The following CD38 variants were observed in gnomAD, a reference collection of about 807,000 sequenced individuals.
CD38 encodes the protein CD38 molecule.
A neutral mutation model predicts 36.3 loss-of-function variants in CD38; 31 were observed. The ratio of observed to expected loss-of-function variants is 0.85; its 90% CI spans 0.64 to 1.15. CD38 has a LOEUF of 1.15. Ranked by LOEUF, CD38 falls within the 50% of genes most tolerant of loss-of-function variation. CD38 has a pLI of 0.00. For synonymous variants in CD38, 131 were observed against 135.2 expected, an observed-to-expected ratio of 0.97 and a Z score of 0.22; for missense variants, 380 against 371.9, an observed-to-expected ratio of 1.02 and a Z score of -0.18.
At chr4:15,791,679 G>C (rs1332959066) in intron 1 of CD38, among the ~76,000 whole-genome samples, 12 of 91,812 alleles carry the variant, frequency 1.3e-4, no homozygotes, top group East Asian at 2.7e-4. Context: ...GGAGGTGGGG[G>C]GATCAGCCCC....
At chr4:15,824,603 T>G (rs564149102) in intron 2 of CD38, among the ~76,000 whole-genome samples, 1 of 152,176 alleles carries the variant, frequency 6.6e-6, no homozygotes, top group African/African-American at 2.4e-5. Flanking sequence ...CTATGTTGAT[T>G]ATAAGATTTT....
intron 3 of CD38, among the ~76,000 whole-genome samples, chr4:15,832,629 C>T (rs1471625918): frequency 6.6e-6 from 1 of 152,180 alleles, no homozygotes; most frequent in Non-Finnish European, 1.5e-5. Flanking sequence ...TTCTGACCCA[C>T]ATAAAGCTGG....
At chr4:15,828,865 T>C (rs770513863) in intron 3 of CD38, among the ~76,000 whole-genome samples, 7 of 152,176 alleles carry the variant, frequency 4.6e-5, no homozygotes, top group Non-Finnish European at 8.8e-5. Flanking sequence ...TATGGTAGTA[T>C]TCTATTTTTA....
At chr4:15,822,375 T>A (rs1194248950) in intron 2 of CD38, among the ~76,000 whole-genome samples, 1 of 152,082 alleles carries the variant, frequency 6.6e-6, no homozygotes, top group Non-Finnish European at 1.5e-5. Flanking sequence ...ATAAAGTCTT[T>A]TCAAATGGAA....
At chr4:15,818,803 CAGAA>C (rs915413205) in intron 2 of CD38, among the ~76,000 whole-genome samples, 5 of 152,134 alleles carry the variant, frequency 3.3e-5, no homozygotes, top group Non-Finnish European at 5.9e-5. Context: ...AAAGAAAAAA[CAGAA>C]AGCAACAACA....
intron 3 of CD38, 50 bp downstream of exon 3, chr4:15,825,066 G>C (rs537753235): frequency 9.5e-5 from 148 of 1,552,058 alleles, no homozygotes; most frequent in Admixed American, 5.0e-4. Flanking sequence ...AGGGTGAACA[G>C]AGTGACTTCT....
chr4:15,792,838 A>G (rs1723033754), intron 1 of CD38, among the ~76,000 whole-genome samples: 1 of 152,242 alleles, frequency 6.6e-6, no homozygotes, highest in Admixed American at 6.5e-5. Context: ...TTAATTTTCC[A>G]TGATTTTCTT....
At chr4:15,779,071 C>T (rs892301064) in intron 1 of CD38, among the ~76,000 whole-genome samples, 2 of 152,198 alleles carry the variant, frequency 1.3e-5, no homozygotes, top group Non-Finnish European at 2.9e-5. Context: ...CTGCGGTTTC[C>T]GCCCGCTGTC....
At chr4:15,838,297 A>G in intron 5 of CD38, 132 bp downstream of exon 5, 1 of 710,364 alleles carries the variant, frequency 1.4e-6, no homozygotes, top group Non-Finnish European at 2.4e-6. Context: ...AAAGGTAAAA[A>G]TTTTGAATTC....
At chr4:15,809,763 T>A (rs1398746485) in intron 1 of CD38, among the ~76,000 whole-genome samples, 1 of 152,204 alleles carries the variant, frequency 6.6e-6, no homozygotes, top group African/African-American at 2.4e-5. Context: ...AGACTTCCAA[T>A]TTTGGAACAG....
At chr4:15,784,938 C>A (rs931770217) in intron 1 of CD38, among the ~76,000 whole-genome samples, 1 of 152,112 alleles carries the variant, frequency 6.6e-6, no homozygotes, top group Non-Finnish European at 1.5e-5. Flanking sequence ...CACCTGTAGT[C>A]CCAGCTACTC....
At chr4:15,818,697 A>G (rs547245708) in intron 2 of CD38, among the ~76,000 whole-genome samples, 2 of 152,254 alleles carry the variant, frequency 1.3e-5, no homozygotes, top group South Asian at 4.1e-4. Flanking sequence ...TCCACTCGTG[A>G]TACCTTCAGG....
intron 2 of CD38, among the ~76,000 whole-genome samples, chr4:15,823,508 G>T (rs1723783660): frequency 6.6e-6 from 1 of 152,104 alleles, no homozygotes; most frequent in Non-Finnish European, 1.5e-5. Context: ...CAAAAAGTGG[G>T]CAAAGAACAT....
intron 7 of CD38, among the ~76,000 whole-genome samples, chr4:15,841,290 AG>A (rs1724200715): frequency 6.6e-6 from 1 of 152,172 alleles, no homozygotes; most frequent in Admixed American, 6.5e-5. Flanking sequence ...AGCTGTTCAA[AG>A]GAGGTAGAAG....
At chr4:15,812,868 C>T (rs1366754270) in intron 1 of CD38, among the ~76,000 whole-genome samples, 1 of 152,038 alleles carries the variant, frequency 6.6e-6, no homozygotes, top group Non-Finnish European at 1.5e-5. Flanking sequence ...TGTTTTGCTG[C>T]TATTATAAGT....
At position 15,778,670 on chromosome 4, in the gene CD38, C is replaced by G. The variant is rs1048619656; in HGVS notation, c.233+23C>G. On this transcript the variant is annotated intron_variant, in intron 1 of 7. Coordinates refer to ENST00000226279, the MANE Select transcript of CD38 (RefSeq NM_001775.4). The surrounding 1 kb of genome is among the most constrained non-coding windows in gnomAD (Gnocchi z 4.9). ...GAGGTGGGTTGGCGACTAAGGCGCACCGGTGGGCACTGCGGGGACAGCAGG... is the reference window on the plus strand; with the variant it reads ...GAGGTGGGTTGGCGACTAAGGCGCAGCGGTGGGCACTGCGGGGACAGCAGG... 2 of 1,518,774 alleles carry G rather than the reference C, an allele frequency of 1.3e-6. No homozygotes were observed. Among genetic ancestry groups the G allele is most frequent in the Middle Eastern group, 1.7e-4 (1 of 5,874 alleles). 94.1% of individuals were successfully genotyped at this position (1,518,774 alleles called of 1,614,324 possible).
chr4:15,787,465 C>T (rs920605167), intron 1 of CD38, among the ~76,000 whole-genome samples: 1 of 152,196 alleles, frequency 6.6e-6, no homozygotes, highest in East Asian at 1.9e-4. Context: ...TAATGTTGAG[C>T]CCTCTTGGGC....
At chr4:15,810,834 G>T (rs7688839) in intron 1 of CD38, among the ~76,000 whole-genome samples, 60,339 of 151,950 alleles carry the variant, frequency 0.4, 13,256 homozygotes, top group African/African-American at 0.59. Context: ...AAACATGATT[G>T]TTGGATGCCA....
rs186988637 is a variant in CD38, at chr4:15,841,550, G to T, written c.839+1012G>T. Among the ~76,000 whole-genome samples the T allele has an allele frequency of 1.0e-4, 15 of 148,174 alleles. 1 individual carries two copies. The highest frequency in any genetic ancestry group is 4.0e-4 in the African/African-American group (15 of 37,672). ...GCAACTGTAAAAGCAATCTTGCGGC[G>T]GAGGAGCCAAGATGGCCGAATAGGA... On this transcript the variant is annotated intron_variant, in intron 7 of 7. Transcript: ENST00000226279.
Sources: gnomAD v4.1 joint callset for allele counts (sites outside exome capture counted in the v4.1 genomes callset) on GRCh38, gnomAD v4.1.1 for gene constraint, Gnocchi (gnomAD v3.1) non-coding constraint, MANE v1.5 for transcripts, NCBI Gene and HGNC (gene_info 2026-07-23, HGNC 2026-07-21) for gene names.